Variants in RBM14 observed in about 807,000 individuals in gnomAD.
RBM14 encodes the protein RNA-binding protein 14.
Under a neutral mutation model 52.8 loss-of-function variants are expected in RBM14, and 5 were observed. That is an observed-to-expected ratio of 0.09 (90% CI 0.05 to 0.20). RBM14 has a LOEUF of 0.20. RBM14 is among the 10% of genes least tolerant of loss of function. The pLI is 1.00. For synonymous variants in RBM14, 411 were observed against 401.8 expected (o/e 1.02, Z -0.28); for missense variants, 780 against 926.6 (o/e 0.84, Z 2.05).
At position 66,625,117 on chromosome 11, in the gene RBM14, C is replaced by G. The variant is rs746807508; in HGVS notation, c.1241C>G (p.Ser414Cys). 1 of 1,613,366 alleles carries G rather than the reference C, an allele frequency of 6.2e-7. No homozygotes were observed. Among genetic ancestry groups the G allele is most frequent in the South Asian group, 1.1e-5 (1 of 91,084 alleles). ...AQPSASYNAQ[S>C]APYAAQQAAS... Reference sequence around the variant, plus strand: ...CCCTCGGCCTCTTACAATGCCCAGTCTGCCCCATATGCTGCACAGCAGGCT... The same window carrying G: ...CCCTCGGCCTCTTACAATGCCCAGTGTGCCCCATATGCTGCACAGCAGGCT... Residue 414 changes from serine to cysteine, a missense_variant, in exon 2 of 3, where the codon TCT becomes TGT. This residue lies in a region of RBM14 where 675 missense variants were observed against 697.3 expected (regional missense o/e 0.97). Transcript: ENST00000310137. The surrounding 1 kb of genome is among the most constrained non-coding windows in gnomAD (Gnocchi z 4.2).
At position 66,626,822 on chromosome 11, in the gene RBM14, T is replaced by A; in HGVS notation, c.*154T>A. 1.3e-6 allele frequency: 1 copy of A among 752,722 alleles called. No individual in the cohort carries two copies. The highest frequency in any genetic ancestry group is 1.8e-5 in the African/African-American group (1 of 56,678). The allele number at this position is 752,722 out of a possible 1,614,324, so 46.6% of individuals were successfully genotyped here. A position where few individuals can be genotyped will look rare whatever the true frequency, so the allele number is the denominator to read the frequency against. ...GGCCTTCCCCAGGAGATGATCCTGT[T>A]AAGTGTTCGGCAGTAACCTACTTTG... On this transcript the variant is annotated 3_prime_UTR_variant, in exon 3 of 3. Coordinates refer to ENST00000310137, the MANE Select transcript of RBM14 (RefSeq NM_006328.4).
chr11:66,619,723 C>T (rs868274010), intron 1 of RBM14, among the ~76,000 whole-genome samples: 2 of 152,056 alleles, frequency 1.3e-5, no homozygotes, highest in Admixed American at 1.3e-4. Context: ...CCCGCCACCA[C>T]ACCCAGCTAA....
rs940287882 is a variant in RBM14 at position 66,620,221 on chromosome 11, A to G, written c.337+3164A>G. On this transcript the variant is annotated intron_variant, in intron 1 of 2. Transcript: ENST00000310137. ...ATTCACACTTTTCCCCTCCAGTGTC[A>G]GGCTTAGAAACTTCCTGATACAATT... Among the ~76,000 whole-genome samples, 9 of 152,242 alleles carry G rather than the reference A, an allele frequency of 5.9e-5. 1 individual carries two copies. Among genetic ancestry groups the G allele is most frequent in the Admixed American group, 5.2e-4 (8 of 15,280 alleles).
At chr11:66,618,708 T>G (rs1046989374) in intron 1 of RBM14, 14 of 620,902 alleles carry the variant, frequency 2.3e-5, no homozygotes, top group East Asian at 8.3e-5. Context: ...CTTTTGTGGT[T>G]GTTAGGTAGA....
chr11:66,619,487 T>C (rs945811521), intron 1 of RBM14: 12 of 151,986 alleles, frequency 7.9e-5, no homozygotes, highest in African/African-American at 2.9e-4. Context: ...AAGAGGAAAA[T>C]ATCTTCTCTT....
Position 66,626,489 on chromosome 11 carries a change from C to T in RBM14, c.1831C>T (p.Leu611Phe). 1 of 1,613,756 alleles carries T rather than the reference C, an allele frequency of 6.2e-7. No homozygotes were observed. The highest frequency in any genetic ancestry group is 8.5e-7 in the Non-Finnish European group (1 of 1,179,978). ...RYGSDRRLAE[L>F]SDYRRLSESQ... ...TGGTTCCGACCGGCGTTTAGCCGAG[C>T]TCTCTGATTACCGCCGTTTATCAGA... The change falls in exon 3 of 3, where the codon CTC (leucine) becomes TTC (phenylalanine). Residue 611 changes from leucine to phenylalanine, a missense_variant. Leu to Phe is a conservative substitution (Grantham distance 22, BLOSUM62 0). This residue lies in a region of RBM14 where 675 missense variants were observed against 697.3 expected (regional missense o/e 0.97). Coordinates refer to ENST00000310137, the MANE Select transcript of RBM14 (RefSeq NM_006328.4).
intron 1 of RBM14, chr11:66,617,463 G>T (rs1207263837): frequency 1.2e-5 from 12 of 1,026,054 alleles, no homozygotes; most frequent in Non-Finnish European, 1.4e-5. Flanking sequence ...CCAGACGTCG[G>T]TCAGAGCAAG....
At position 66,625,488 on chromosome 11, in the gene RBM14, G is replaced by C; in HGVS notation, c.1612G>C (p.Ala538Pro). 3.1e-6 allele frequency: 5 copies of C among 1,612,952 alleles called. No homozygotes were observed. Among genetic ancestry groups the C allele is most frequent in the Non-Finnish European group, 4.2e-6 (5 of 1,179,622 alleles). ...TGCCCAGCAGCATCCCCAGGCTGCT[G>C]CCTCCTACCGCGGCCAGCCAGGCAA... ...YAAQQHPQAA[A>P]SYRGQPGNAY... The change falls in exon 2 of 3, where the codon GCC (alanine) becomes CCC (proline). Residue 538 changes from alanine (A) to proline (P), a missense_variant. Ala to Pro is a conservative substitution (Grantham distance 27). Around this residue, in one of 4 missense-constraint regions of RBM14, gnomAD observed 675 missense variants for 697.3 expected, o/e 0.97. Coordinates refer to ENST00000310137, the MANE Select transcript of RBM14 (RefSeq NM_006328.4). The surrounding 1 kb of genome is among the most constrained non-coding windows in gnomAD (Gnocchi z 4.2).
chr11:66,617,082 C>T (rs756463295), intron 1 of RBM14, 25 bp downstream of exon 1: 1 of 1,552,058 alleles, frequency 6.4e-7, no homozygotes, highest in Non-Finnish European at 8.7e-7. Flanking sequence ...CGCTCGGGGG[C>T]GGGGGCGCGC....
chr11:66,624,343 G>T lies in RBM14; in HGVS notation c.467G>T (p.Gly156Val), dbSNP rs777189546. The T allele has an allele frequency of 6.2e-7, 1 of 1,614,022 alleles. No homozygotes were observed. Among genetic ancestry groups the T allele is most frequent in the Admixed American group, 1.7e-5 (1 of 60,002 alleles). The change falls in exon 2 of 3, where the codon GGC (glycine) becomes GTC (valine). Residue 156 changes from glycine (G) to valine (V), a missense_variant. This residue lies in a region of RBM14 where 675 missense variants were observed against 697.3 expected (regional missense o/e 0.97). Transcript: ENST00000310137. This position sits in a 1 kb window ranked among gnomAD's most constrained non-coding sequence, Gnocchi z 4.7. ...ACCAAGGGTCAGAAGAAGGGGCCTG[G>T]CCTGGCTGTCCAGTCTGGGGACAAG... The part of the protein sequence containing the change: ...LSTKGQKKGP[G>V]LAVQSGDKTK...
chr11:66,618,612 C>T (rs886068920), intron 1 of RBM14: 6 of 715,798 alleles, frequency 8.4e-6, no homozygotes, highest in Non-Finnish European at 1.6e-5. Flanking sequence ...GGGGGAGGGT[C>T]TCAGATTGGG....
rs15969 is a variant in RBM14 at position 66,626,916 on chromosome 11, C to T, written c.*248C>T. The T allele has an allele frequency of 0.13, 51,918 of 410,560 alleles. 3,972 individuals carry two copies. The highest frequency in any genetic ancestry group is 0.16 in the Non-Finnish European group (36,886 of 231,922). The allele number at this position is 410,560 out of a possible 1,614,324, so 25.4% of individuals were successfully genotyped here. A position where few individuals can be genotyped will look rare whatever the true frequency, so the allele number is the denominator to read the frequency against. On this transcript the variant is annotated 3_prime_UTR_variant, in exon 3 of 3. Coordinates refer to ENST00000310137, the MANE Select transcript of RBM14 (RefSeq NM_006328.4). The stretch of plus-strand genomic sequence containing the variant: ...GCGGTTTCCCCTCTACCCTGCCTCC[C>T]GTCTCCCCAGAATGGGAATTTCTTT...
rs1315819022 is a variant in RBM14 at position 66,627,628 on chromosome 11, G to C, written c.*960G>C. On this transcript the variant is annotated 3_prime_UTR_variant, in exon 3 of 3. Coordinates refer to ENST00000310137, the MANE Select transcript of RBM14 (RefSeq NM_006328.4). ...CAGTAAATGATGCCCATTTTCCTCT[G>C]CCTGTGCTTGACCATTTTCACTGAC... 6.6e-6 allele frequency among the ~76,000 whole-genome samples: 1 copy of C among 152,178 alleles called. No homozygotes were observed. Among genetic ancestry groups the C allele is most frequent in the Non-Finnish European group, 1.5e-5 (1 of 68,046 alleles).
In RBM14 at chr11:66,616,783, C is replaced by G; in HGVS notation, c.63C>G (p.Leu21=). The G allele has an allele frequency of 6.2e-7, 1 of 1,608,188 alleles. No individual in the cohort carries two copies. Among genetic ancestry groups the G allele is most frequent in the Non-Finnish European group, 8.5e-7 (1 of 1,176,118 alleles). ...ADTTPEELAA[L]FAPYGTVMSC... is the part of the protein sequence containing the mutation. ...CGACTCCGGAGGAGCTGGCAGCCCTCTTTGCGCCCTACGGCACGGTCATGA... is the reference window on the plus strand; with the variant it reads ...CGACTCCGGAGGAGCTGGCAGCCCTGTTTGCGCCCTACGGCACGGTCATGA... The change falls in exon 1 of 3, where the codon CTC becomes CTG. Residue 21 remains leucine (L), a synonymous_variant. Coordinates refer to ENST00000310137, the MANE Select transcript of RBM14 (RefSeq NM_006328.4).
chr11:66,621,968 G>A (rs1488435331), intron 1 of RBM14, among the ~76,000 whole-genome samples: 1 of 151,900 alleles, frequency 6.6e-6, no homozygotes, highest in Non-Finnish European at 1.5e-5. Flanking sequence ...AGGCTGGAGT[G>A]CAGTGATCTT....
At chr11:66,623,048 C>T (rs1859188077) in intron 1 of RBM14, among the ~76,000 whole-genome samples, 1 of 152,152 alleles carries the variant, frequency 6.6e-6, no homozygotes, top group Admixed American at 6.5e-5. Flanking sequence ...ATAAGTATAG[C>T]TTTGAGACCG....
In RBM14 at chr11:66,624,341, T is replaced by TGGA; in HGVS notation, c.467_468insAGG (p.Gly156dup). 6.2e-7 allele frequency: 1 copy of TGGA among 1,614,114 alleles called. No homozygotes were observed. The highest frequency in any genetic ancestry group is 1.1e-5 in the South Asian group (1 of 91,084). On this transcript the variant is annotated inframe_insertion, in exon 2 of 3. Coordinates refer to ENST00000310137, the MANE Select transcript of RBM14 (RefSeq NM_006328.4). This position sits in a 1 kb window ranked among gnomAD's most constrained non-coding sequence, Gnocchi z 4.7. ...CCACCAAGGGTCAGAAGAAGGGGCC[T>TGGA]GGCCTGGCTGTCCAGTCTGGGGACA...
rs780258514 is a variant in RBM14 at position 66,626,617 on chromosome 11, T to C, written c.1959T>C (p.Asn653=). 3.1e-6 allele frequency: 5 copies of C among 1,613,332 alleles called. No individual in the cohort carries two copies. The Admixed American group carries it at 6.7e-5, about 22-fold the overall frequency. ...ACGCACGCTATTCGGGCTCCTATAATGATTACCTGCGGGCGGCTCAGATGC... is the reference window on the plus strand; with the variant it reads ...ACGCACGCTATTCGGGCTCCTATAACGATTACCTGCGGGCGGCTCAGATGC... ...SDYARYSGSY[N]DYLRAAQMHS... Residue 653 remains asparagine, a synonymous_variant, in exon 3 of 3, where the codon AAT becomes AAC. Transcript: ENST00000310137.
intron 1 of RBM14, among the ~76,000 whole-genome samples, chr11:66,621,432 C>T (rs1402270607): frequency 6.6e-6 from 1 of 151,574 alleles, no homozygotes; most frequent in African/African-American, 2.4e-5. Flanking sequence ...GGCTGGAGTA[C>T]AGTGGCACGA....
Sources: allele counts gnomAD v4.1 joint callset (sites outside exome capture counted in the v4.1 genomes callset), GRCh38; gene constraint gnomAD v4.1.1; regional missense constraint gnomAD v4.1.1; non-coding constraint Gnocchi (gnomAD v3.1); transcripts MANE v1.5; gene names NCBI Gene and HGNC (gene_info 2026-07-23, HGNC 2026-07-21).